RARB: variants seen among roughly 807,000 people sequenced by gnomAD.
RARB encodes the protein retinoic acid receptor beta, also known as HBV-activated protein.
RARB carries 17 observed loss-of-function variants against 51.9 expected under a neutral mutation model. The observed-to-expected ratio is 0.33, with a 90% CI of 0.22 to 0.49. The LOEUF (loss-of-function observed/expected upper bound fraction) is 0.49. RARB is among the 20% of genes least tolerant of loss of function. The pLI, the probability that RARB is intolerant of heterozygous loss-of-function variation, is 0.99. For missense variants in RARB, 369 were observed against 550.8 expected (o/e 0.67, Z 3.30); for synonymous variants, 215 against 195.4 (o/e 1.10, Z -0.84).
At chr3:25,412,728 C>T (rs1270165874) in intron 5 of RARB, among the ~76,000 whole-genome samples, 1 of 152,170 alleles carries the variant, frequency 6.6e-6, no homozygotes, top group Non-Finnish European at 1.5e-5. Context: ...AGAAAAAGAA[C>T]ATGACCATGG....
At chr3:24,953,764 G>A (rs1340196697) in intron 2 of RARB, among the ~76,000 whole-genome samples, 2 of 151,880 alleles carry the variant, frequency 1.3e-5, no homozygotes, top group Non-Finnish European at 2.9e-5. Flanking sequence ...CCTCATATAC[G>A]TTCCCCTACT....
intron 2 of RARB, among the ~76,000 whole-genome samples, chr3:24,858,929 C>T (rs956139407): frequency 7.5e-5 from 11 of 147,390 alleles, no homozygotes; most frequent in South Asian, 2.2e-4. Context: ...CCCAGCTACT[C>T]GGGAGGTTGA....
At chr3:25,304,249 G>C (rs944583508) in intron 5 of RARB, among the ~76,000 whole-genome samples, 1 of 152,228 alleles carries the variant, frequency 6.6e-6, no homozygotes, top group East Asian at 1.9e-4. Flanking sequence ...TTCTAAGAAG[G>C]CTTCTTTATT....
chr3:25,205,950 G>T (rs529562428), intron 5 of RARB, among the ~76,000 whole-genome samples: 1 of 152,076 alleles, frequency 6.6e-6, no homozygotes, highest in East Asian at 1.9e-4. Flanking sequence ...TATAAAATAG[G>T]CTTTATGTCA....
At chr3:25,415,152 T>C (rs974135194) in intron 5 of RARB, among the ~76,000 whole-genome samples, 5 of 152,240 alleles carry the variant, frequency 3.3e-5, no homozygotes, top group African/African-American at 9.6e-5. Flanking sequence ...GTATGATTTG[T>C]CATTTTATTC....
intron 2 of RARB, among the ~76,000 whole-genome samples, chr3:25,037,133 T>G (rs1698012256): frequency 6.6e-6 from 1 of 152,178 alleles, no homozygotes; most frequent in Admixed American, 6.5e-5. Flanking sequence ...GGCATTTGGC[T>G]TCAGATTGTT....
intron 4 of RARB, among the ~76,000 whole-genome samples, chr3:25,136,813 T>G (rs1235952082): frequency 6.6e-6 from 1 of 151,904 alleles, no homozygotes; most frequent in East Asian, 1.9e-4. Context: ...GGCTTAGAAG[T>G]TGAGTTCAGG....
intron 5 of RARB, among the ~76,000 whole-genome samples, chr3:25,407,578 A>G (rs868746200): frequency 7.2e-5 from 11 of 152,158 alleles, no homozygotes; most frequent in Middle Eastern, 3.4e-3. Context: ...TTTTATGCCT[A>G]TCTTAGTTCT....
At chr3:25,202,180 G>T (rs1268526553) in intron 5 of RARB, among the ~76,000 whole-genome samples, 1 of 152,116 alleles carries the variant, frequency 6.6e-6, no homozygotes, top group Non-Finnish European at 1.5e-5. Flanking sequence ...TATGTGTCAA[G>T]GAATTTATCC....
At position 25,307,981 on chromosome 3, in the gene RARB, T is replaced by A. The variant is rs539470873; in HGVS notation, c.178+133406T>A. Among the ~76,000 whole-genome samples the A allele has an allele frequency of 4.6e-5, 7 of 152,340 alleles. No individual in the cohort carries two copies. In the South Asian group the frequency reaches 1.4e-3, roughly 32 times the overall value. ...ACCATATGGCCAGCAAAGCCTAAAG[T>A]ACTTACTATCTGGCCCTTTACAGAA... On this transcript the variant is annotated intron_variant, in intron 5 of 11. Transcript: ENST00000383772.
chr3:25,204,573 T>G (rs1198853739), intron 5 of RARB, among the ~76,000 whole-genome samples: 1 of 152,184 alleles, frequency 6.6e-6, no homozygotes, highest in Non-Finnish European at 1.5e-5. Flanking sequence ...CCTTTGGTCT[T>G]TGATGATGGT....
chr3:25,044,377 C>T (rs1422749346), intron 2 of RARB, among the ~76,000 whole-genome samples: 2 of 152,116 alleles, frequency 1.3e-5, no homozygotes, highest in Non-Finnish European at 2.9e-5. Context: ...ATCTTCAGCG[C>T]CTAGCACTCT....
At chr3:24,956,122 C>CA (rs1242521536) in intron 2 of RARB, among the ~76,000 whole-genome samples, 1 of 152,058 alleles carries the variant, frequency 6.6e-6, no homozygotes, top group Non-Finnish European at 1.5e-5. Context: ...TTCTGAGGCT[C>CA]ATTTCTGAGC....
intron 3 of RARB, among the ~76,000 whole-genome samples, chr3:25,068,143 A>C (rs1447434502): frequency 2.3e-5 from 2 of 86,806 alleles, no homozygotes; most frequent in African/African-American, 5.3e-5. Flanking sequence ...CAAAAAAAAA[A>C]AAAAAAAAAA....
At chr3:25,437,068 C>T (rs978441650) in intron 1 of RARB, among the ~76,000 whole-genome samples, 8 of 151,086 alleles carry the variant, frequency 5.3e-5, no homozygotes, top group African/African-American at 1.7e-4. Context: ...GCCTTCTGCC[C>T]TGATTTTGGC....
At chr3:25,336,809 A>C (rs1329698154) in intron 5 of RARB, among the ~76,000 whole-genome samples, 1 of 152,142 alleles carries the variant, frequency 6.6e-6, no homozygotes, top group African/African-American at 2.4e-5. Context: ...TCTGTATCAC[A>C]TTATGTTCAG....
At chr3:24,865,717 C>T (rs1053335473) in intron 2 of RARB, among the ~76,000 whole-genome samples, 2 of 152,118 alleles carry the variant, frequency 1.3e-5, no homozygotes, top group Admixed American at 1.3e-4. Context: ...AATACAAACA[C>T]AATTTGAGTA....
intron 2 of RARB, among the ~76,000 whole-genome samples, chr3:25,487,038 G>T (rs1011852431): frequency 6.6e-6 from 1 of 152,138 alleles, no homozygotes; most frequent in African/African-American, 2.4e-5. Flanking sequence ...GAGGGATGCT[G>T]GACTAGTTCC....
intron 5 of RARB, among the ~76,000 whole-genome samples, chr3:25,246,572 G>T (rs564610933): frequency 1.3e-5 from 2 of 152,046 alleles, no homozygotes; most frequent in South Asian, 4.1e-4. Context: ...CTATCAGTCA[G>T]GCCCCTTTTC....
Sources: allele counts gnomAD v4.1 joint callset (sites outside exome capture counted in the v4.1 genomes callset), GRCh38; gene constraint gnomAD v4.1.1; transcripts MANE v1.5; gene names NCBI Gene and HGNC (gene_info 2026-07-23, HGNC 2026-07-21).